AGO1: variants seen among roughly 807,000 people sequenced by gnomAD.
AGO1 encodes the protein protein argonaute-1.
In AGO1, 11 loss-of-function variants were observed where a neutral mutation model predicts 109.2. That is an observed-to-expected ratio of 0.10 (90% CI 0.06 to 0.17). The LOEUF (loss-of-function observed/expected upper bound fraction) is 0.17, where lower values mean the gene tolerates loss of function less well. Ranked by LOEUF, AGO1 falls within the 10% of genes least tolerant of loss-of-function variation. The pLI, the probability that AGO1 is intolerant of heterozygous loss-of-function variation, is 1.00. For missense variants in AGO1, 574 were observed against 1,140.3 expected, an observed-to-expected ratio of 0.50 and a Z score of 7.15; for synonymous variants, 422 against 418.6, an observed-to-expected ratio of 1.01 and a Z score of -0.10.
At chr1:35,917,822 T>G (rs1645762142) in intron 16 of AGO1, 95 bp downstream of exon 16, 3 of 1,514,648 alleles carry the variant, frequency 2.0e-6, no homozygotes, top group Admixed American at 3.8e-5. Flanking sequence ...GATTTAGTCC[T>G]TGTCCTATCT....
chr1:35,897,704 G>A (rs1243612315), intron 8 of AGO1, among the ~76,000 whole-genome samples: 1 of 151,996 alleles, frequency 6.6e-6, no homozygotes, highest in Non-Finnish European at 1.5e-5. Context: ...ATTCTAGCCT[G>A]GGCAACAGAG....
intron 11 of AGO1, among the ~76,000 whole-genome samples, chr1:35,906,453 T>C (rs751687126): frequency 5.3e-5 from 8 of 152,192 alleles, no homozygotes; most frequent in Non-Finnish European, 8.8e-5. Flanking sequence ...AGTACTCTCT[T>C]ACCTTACTCA....
chr1:35,885,441 G>C (rs1054906224), intron 1 of AGO1, among the ~76,000 whole-genome samples: 1 of 152,196 alleles, frequency 6.6e-6, no homozygotes, highest in Non-Finnish European at 1.5e-5. Flanking sequence ...GGGAAAAGCC[G>C]AATAGGACAG....
intron 2 of AGO1, among the ~76,000 whole-genome samples, chr1:35,890,087 A>G (rs1421416726): frequency 6.6e-6 from 1 of 151,344 alleles, no homozygotes; most frequent in East Asian, 1.9e-4. Flanking sequence ...CAGTGGCGTG[A>G]TCTCGGCTCA....
intron 12 of AGO1, among the ~76,000 whole-genome samples, chr1:35,911,253 A>G (rs570502665): frequency 4.6e-5 from 7 of 152,220 alleles, no homozygotes; most frequent in Non-Finnish European, 8.8e-5. Flanking sequence ...ATCCGTCTCA[A>G]GAAAAAGAAA....
Position 35,927,558 on chromosome 1 carries a change from CA to C in AGO1, c.*7952del, listed in dbSNP as rs1413202362. 1.3e-5 allele frequency: 2 copies of C among 152,188 alleles called. No individual in the cohort carries two copies. The highest frequency in any genetic ancestry group is 4.8e-5 in the African/African-American group (2 of 41,428). 9.4% of individuals were successfully genotyped at this position (152,188 alleles called of 1,614,324 possible). A position where few individuals can be genotyped will look rare whatever the true frequency, so the allele number is the denominator to read the frequency against. On this transcript the variant is annotated 3_prime_UTR_variant, in exon 19 of 19. Coordinates refer to ENST00000373204, the MANE Select transcript of AGO1 (RefSeq NM_012199.5). ...GGAAGTCTTCCCCTGGAAGCTCCAA[CA>C]GATACGGCCTCATGGCTTTGCTAGA...
chr1:35,903,513 T>C (rs1571360036), intron 11 of AGO1, among the ~76,000 whole-genome samples: 1 of 151,944 alleles, frequency 6.6e-6, no homozygotes, highest in Non-Finnish European at 1.5e-5. Flanking sequence ...ACAAGGGTAG[T>C]GGGGAAGTAT....
chr1:35,895,880 G>A (rs1645307875), intron 8 of AGO1, among the ~76,000 whole-genome samples: 1 of 152,130 alleles, frequency 6.6e-6, no homozygotes, highest in African/African-American at 2.4e-5. Context: ...ACTGCCTACT[G>A]CTTCATTGTC....
chr1:35,922,602 G>C lies in AGO1; in HGVS notation c.*2995G>C, dbSNP rs1426944064. 1 of 146,364 alleles carries C rather than the reference G, an allele frequency of 6.8e-6. No homozygotes were observed. Among genetic ancestry groups the C allele is most frequent in the Admixed American group, 6.7e-5 (1 of 14,968 alleles). The allele number at this position is 146,364 out of a possible 1,614,324, so 9.1% of individuals were successfully genotyped here. A position where few individuals can be genotyped will look rare whatever the true frequency, so the allele number is the denominator to read the frequency against. ...ACTCTGCTTGCTTGCTGGCCGGCCT[G>C]CCTGCCTGCCTGCCTGCCTGCCTGC... On this transcript the variant is annotated 3_prime_UTR_variant, in exon 19 of 19. Coordinates refer to ENST00000373204, the MANE Select transcript of AGO1 (RefSeq NM_012199.5).
Position 35,929,381 on chromosome 1 carries a change from A to G in AGO1, c.*9774A>G, listed in dbSNP as rs542071503. On this transcript the variant is annotated 3_prime_UTR_variant, in exon 19 of 19. Transcript: ENST00000373204. ...AGAGGGTGTAAATTCTGCTCCATCA[A>G]TGTTGAAAAAGACTAGCCCACCCCA... The G allele has an allele frequency of 3.3e-5, 5 of 152,354 alleles. No individual in the cohort carries two copies. Among genetic ancestry groups the G allele is most frequent in the East Asian group, 1.9e-4 (1 of 5,194 alleles). 9.4% of individuals were successfully genotyped at this position (152,354 alleles called of 1,614,324 possible).
At position 35,919,815 on chromosome 1, in the gene AGO1, T is replaced by C. The variant is rs1160196944; in HGVS notation, c.*208T>C. On this transcript the variant is annotated 3_prime_UTR_variant, in exon 19 of 19. Transcript: ENST00000373204. This position sits in a 1 kb window ranked among gnomAD's most constrained non-coding sequence, Gnocchi z 6.6. ...CCAGAAATCTCTGATATCAACCTCA[T>C]GTCCCCCACCCCTCACCCCATCTTG... 1.8e-6 allele frequency: 1 copy of C among 561,906 alleles called. No homozygotes were observed. The highest frequency in any genetic ancestry group is 3.2e-6 in the Non-Finnish European group (1 of 315,388). 34.8% of individuals were successfully genotyped at this position (561,906 alleles called of 1,614,324 possible). A position where few individuals can be genotyped will look rare whatever the true frequency, so the allele number is the denominator to read the frequency against.
In AGO1 at chr1:35,888,780, G is replaced by C. The variant is rs560819352; in HGVS notation, c.209+170G>C. On this transcript the variant is annotated intron_variant, in intron 2 of 18. Transcript: ENST00000373204. The surrounding 1 kb of genome is among the most constrained non-coding windows in gnomAD (Gnocchi z 4.1). ...CTGAAAAATAGTCCAATTGGACTTC[G>C]CTATTGGAAGATTATTAGTGGCTTT... Among the ~76,000 whole-genome samples the C allele has an allele frequency of 5.9e-5, 9 of 152,210 alleles. No individual in the cohort carries two copies. The highest frequency in any genetic ancestry group is 1.2e-4 in the Non-Finnish European group (8 of 68,038).
chr1:35,880,604 A>G (rs906635201), upstream of AGO1, among the ~76,000 whole-genome samples: 2 of 152,122 alleles, frequency 1.3e-5, no homozygotes. Flanking sequence ...TTATGATAGC[A>G]GCTGATATTT....
Position 35,904,715 on chromosome 1 carries a change from G to C in AGO1, c.1398-2220G>C, listed in dbSNP as rs1557614372. On this transcript the variant is annotated intron_variant, in intron 11 of 18. Coordinates refer to ENST00000373204, the MANE Select transcript of AGO1 (RefSeq NM_012199.5). Reference sequence around the variant, plus strand: ...AGTAGCCAGTTAAATCTGTGGTTCTGACTGGGCTAAAGGTAAATATTTCCA... The same window carrying C: ...AGTAGCCAGTTAAATCTGTGGTTCTCACTGGGCTAAAGGTAAATATTTCCA... Among the ~76,000 whole-genome samples, 4 of 152,326 alleles carry C rather than the reference G, an allele frequency of 2.6e-5. No homozygotes were observed. In the South Asian group the frequency reaches 8.3e-4, roughly 32 times the overall value.
chr1:35,872,010 C>T (rs1644955201), intron 1 of AGO1, among the ~76,000 whole-genome samples: 2 of 145,134 alleles, frequency 1.4e-5, no homozygotes, highest in East Asian at 2.1e-4. Flanking sequence ...GCAGAGCTTG[C>T]AGTGAGCCAA....
At chr1:35,874,925 C>A (rs191037340) in intron 1 of AGO1, among the ~76,000 whole-genome samples, 1 of 152,320 alleles carries the variant, frequency 6.6e-6, no homozygotes, top group Non-Finnish European at 1.5e-5. Flanking sequence ...CCCTAACTCT[C>A]TTCAATTCTG....
Position 35,919,801 on chromosome 1 carries a change from T to G in AGO1, c.*194T>G. The G allele has an allele frequency of 1.7e-6, 1 of 577,520 alleles. No individual in the cohort carries two copies. Among genetic ancestry groups the G allele is most frequent in the Non-Finnish European group, 3.1e-6 (1 of 326,232 alleles). The allele number at this position is 577,520 out of a possible 1,614,324, so 35.8% of individuals were successfully genotyped here. ...AGACAGACCACCAGCCAGAAATCTCTGATATCAACCTCATGTCCCCCACCC... is the reference window on the plus strand; with the variant it reads ...AGACAGACCACCAGCCAGAAATCTCGGATATCAACCTCATGTCCCCCACCC... On this transcript the variant is annotated 3_prime_UTR_variant, in exon 19 of 19. Transcript: ENST00000373204. This position sits in a 1 kb window ranked among gnomAD's most constrained non-coding sequence, Gnocchi z 6.6.
chr1:35,908,901 C>T (rs898982310), intron 12 of AGO1, among the ~76,000 whole-genome samples: 1 of 151,424 alleles, frequency 6.6e-6, no homozygotes, highest in African/African-American at 2.4e-5. Context: ...TCACCGCAAC[C>T]TCCACCTCCC....
chr1:35,901,389 C>T lies in AGO1; in HGVS notation c.1021-85C>T. The T allele has an allele frequency of 1.9e-6, 3 of 1,572,310 alleles. No individual in the cohort carries two copies. The highest frequency in any genetic ancestry group is 2.6e-6 in the Non-Finnish European group (3 of 1,153,418). On this transcript the variant is annotated intron_variant, in intron 8 of 18. Coordinates refer to ENST00000373204, the MANE Select transcript of AGO1 (RefSeq NM_012199.5). The surrounding 1 kb of genome is among the most constrained non-coding windows in gnomAD (Gnocchi z 4.8). ...AGTTCCCTTCCCCATGGCTGACAGC[C>T]AAGGTATCTTTCCTTATTGTGGGGC... is the stretch of plus-strand genomic sequence containing the variant.
Sources: allele counts gnomAD v4.1 joint callset (sites outside exome capture counted in the v4.1 genomes callset), GRCh38; gene constraint gnomAD v4.1.1; non-coding constraint Gnocchi (gnomAD v3.1); transcripts MANE v1.5; gene names NCBI Gene and HGNC (gene_info 2026-07-23, HGNC 2026-07-21).